Variants in NSD1 observed in about 807,000 individuals in gnomAD.
NSD1 encodes the protein nuclear receptor binding SET domain protein 1, also known as histone-lysine N-methyltransferase, H3 lysine-36 specific.
A neutral mutation model predicts 242.7 loss-of-function variants in NSD1; 26 were observed. That is an observed-to-expected ratio of 0.11 (90% CI 0.08 to 0.15). The LOEUF is 0.15. Ranked by LOEUF, NSD1 falls within the 10% of genes least tolerant of loss-of-function variation. The pLI is 1.00. For missense variants in NSD1, 2,495 were observed against 3,272.8 expected (o/e 0.76, Z 5.80); for synonymous variants, 1,106 against 1,178.1 (o/e 0.94, Z 1.25).
chr5:177,273,227 C>T (rs944781603), intron 16 of NSD1, among the ~76,000 whole-genome samples: 1 of 143,736 alleles, frequency 7.0e-6, no homozygotes, highest in Non-Finnish European at 1.5e-5. Flanking sequence ...GTTGTCTAAT[C>T]TTTTGGCTTC....
chr5:177,161,402 T>G (rs1401818928), intron 2 of NSD1, among the ~76,000 whole-genome samples: 1 of 151,714 alleles, frequency 6.6e-6, no homozygotes, highest in African/African-American at 2.4e-5. Flanking sequence ...GTGGCGTGAT[T>G]AGGCTGGGAG....
At chr5:177,282,868 A>G (rs1295985348) in intron 19 of NSD1, among the ~76,000 whole-genome samples, 1 of 152,252 alleles carries the variant, frequency 6.6e-6, no homozygotes, top group East Asian at 1.9e-4. Context: ...TGAACTCAGA[A>G]AAGTACATAA....
intron 2 of NSD1, among the ~76,000 whole-genome samples, chr5:177,147,879 T>A (rs549779802): frequency 6.6e-6 from 1 of 151,758 alleles, no homozygotes; most frequent in African/African-American, 2.4e-5. Context: ...TGTGAGCCAC[T>A]GCGCACGGCC....
At chr5:177,265,330 C>A (rs1757332976) in intron 14 of NSD1, 1 of 615,014 alleles carries the variant, frequency 1.6e-6, no homozygotes, top group Non-Finnish European at 2.9e-6. Flanking sequence ...AAAGTGCCAA[C>A]AGAAGTATGT....
Position 177,211,475 on chromosome 5 carries a change from C to A in NSD1, c.3076C>A (p.Pro1026Thr). 2 of 1,614,116 alleles carry A rather than the reference C, an allele frequency of 1.2e-6. No homozygotes were observed. Among genetic ancestry groups the A allele is most frequent in the Non-Finnish European group, 1.7e-6 (2 of 1,180,034 alleles). The change falls in exon 5 of 23, where the codon CCT (proline) becomes ACT (threonine). Residue 1026 changes from proline (P) to threonine (T), a missense_variant. Physicochemically the swap from Pro to Thr is conservative, Grantham distance 38. Around this residue, in one of 19 missense-constraint regions of NSD1, gnomAD observed 426 missense variants for 411.4 expected, o/e 1.04. Transcript: ENST00000439151. Reference sequence around the variant, plus strand: ...TAGGCGCAACTGTGGACGATCAAAGCCTTCATCCAAATTGCGAGATGCTTT... The same window carrying A: ...TAGGCGCAACTGTGGACGATCAAAGACTTCATCCAAATTGCGAGATGCTTT... ...VTRRNCGRSKPSSKLRDAFSA... is the reference protein window; with the variant it reads ...VTRRNCGRSKTSSKLRDAFSA...
rs1038887266 is a variant in NSD1 at position 177,238,992 on chromosome 5, G to T, written c.4192+485G>T. ...CCAGTTCATTAGAAGTTAATTACCAGTTACTTCTCACTTGATCATTCTTTA... is the reference window on the plus strand; with the variant it reads ...CCAGTTCATTAGAAGTTAATTACCATTTACTTCTCACTTGATCATTCTTTA... On this transcript the variant is annotated intron_variant, in intron 7 of 22. Transcript: ENST00000439151. This position sits in a 1 kb window ranked among gnomAD's most constrained non-coding sequence, Gnocchi z 4.6. Among the ~76,000 whole-genome samples the T allele has an allele frequency of 4.6e-5, 7 of 152,154 alleles. No homozygotes were observed. The highest frequency in any genetic ancestry group is 8.8e-5 in the Non-Finnish European group (6 of 68,018).
At chr5:177,274,804 G>T (rs1758232223) in intron 17 of NSD1, among the ~76,000 whole-genome samples, 1 of 151,558 alleles carries the variant, frequency 6.6e-6, no homozygotes. Context: ...TGCAATCTTG[G>T]CTCACTGCAA....
intron 2 of NSD1, among the ~76,000 whole-genome samples, chr5:177,142,021 A>G (rs544983305): frequency 6.6e-6 from 1 of 151,972 alleles, no homozygotes; most frequent in East Asian, 1.9e-4. Flanking sequence ...TTTAGTAGAG[A>G]CAGGGTTTTG....
chr5:177,283,376 C>T (rs902238599), intron 19 of NSD1, among the ~76,000 whole-genome samples: 2 of 152,190 alleles, frequency 1.3e-5, no homozygotes, highest in Admixed American at 6.5e-5. Context: ...ATTGGGACTC[C>T]GCATTAGTAT....
At chr5:177,282,030 G>A (rs1057420860) in intron 18 of NSD1, among the ~76,000 whole-genome samples, 1 of 152,210 alleles carries the variant, frequency 6.6e-6, no homozygotes, top group African/African-American at 2.4e-5. Context: ...GAGTGAACAC[G>A]TGTGAAAAGC....
chr5:177,198,072 C>T (rs1000307292), intron 3 of NSD1, among the ~76,000 whole-genome samples: 1 of 152,094 alleles, frequency 6.6e-6, no homozygotes, highest in Non-Finnish European at 1.5e-5. Context: ...TGCAGTGGCA[C>T]AATTACAGCT....
At chr5:177,204,388 C>T in intron 4 of NSD1, 96 bp downstream of exon 4, 1 of 1,196,118 alleles carries the variant, frequency 8.4e-7, no homozygotes, top group East Asian at 2.5e-5. Context: ...GAACTTTGCT[C>T]TGTTTCCCAG....
intron 20 of NSD1, among the ~76,000 whole-genome samples, chr5:177,287,831 C>A (rs1759457045): frequency 6.6e-6 from 1 of 152,070 alleles, no homozygotes; most frequent in Non-Finnish European, 1.5e-5. Flanking sequence ...ACAGCATGAC[C>A]CTAACGTAGC....
In NSD1 at chr5:177,260,008, C is replaced by T. The variant is rs1044539211; in HGVS notation, c.4986C>T (p.Val1662=). Residue 1662 remains valine (V), a synonymous_variant, in exon 14 of 23, where the codon GTC becomes GTT. Coordinates refer to ENST00000439151, the MANE Select transcript of NSD1 (RefSeq NM_022455.5). ...CTTTAGGTCGGTTGATGCGCTGTGT[C>T]CGCTGTCCTGTGGCATACCACGCCA... is the stretch of plus-strand genomic sequence containing the variant. The part of the protein sequence containing the change: ...SASKGRLMRC[V]RCPVAYHAND... The T allele has an allele frequency of 2.5e-6, 4 of 1,613,998 alleles. No homozygotes were observed. The African/African-American group carries it at 4.0e-5, about 16-fold the overall frequency.
chr5:177,271,654 C>G (rs1172711821), intron 16 of NSD1, among the ~76,000 whole-genome samples: 1 of 152,148 alleles, frequency 6.6e-6, no homozygotes, highest in Non-Finnish European at 1.5e-5. Context: ...TTAGCAACCT[C>G]CAAGTATTTG....
At chr5:177,232,726 T>G (rs1288283073) in intron 5 of NSD1, among the ~76,000 whole-genome samples, 1 of 152,228 alleles carries the variant, frequency 6.6e-6, no homozygotes, top group Non-Finnish European at 1.5e-5. Context: ...TTAAAAAGAA[T>G]TTTTTCCTGC....
chr5:177,268,793 T>G (rs1383188985), intron 15 of NSD1, among the ~76,000 whole-genome samples: 1 of 152,208 alleles, frequency 6.6e-6, no homozygotes, highest in Non-Finnish European at 1.5e-5. Context: ...TTCATTCACT[T>G]TTATGCCCCT....
intron 17 of NSD1, among the ~76,000 whole-genome samples, chr5:177,276,938 G>C (rs1216068011): frequency 6.6e-6 from 1 of 152,154 alleles, no homozygotes; most frequent in Non-Finnish European, 1.5e-5. Context: ...CAATGTATGT[G>C]AAAATATATT....
At chr5:177,196,850 AG>A (rs1285497235) in intron 3 of NSD1, among the ~76,000 whole-genome samples, 2 of 152,368 alleles carry the variant, frequency 1.3e-5, no homozygotes, top group East Asian at 3.9e-4. Context: ...GCTAGAGTAC[AG>A]TAGTATGTAC....
Sources: gnomAD v4.1 joint callset for allele counts (sites outside exome capture counted in the v4.1 genomes callset) on GRCh38, gnomAD v4.1.1 for gene constraint, gnomAD v4.1.1 regional missense constraint, Gnocchi (gnomAD v3.1) non-coding constraint, MANE v1.5 for transcripts, NCBI Gene and HGNC (gene_info 2026-07-23, HGNC 2026-07-21) for gene names.